The following SNX10 variants were observed in gnomAD, a reference collection of about 807,000 sequenced individuals.
SNX10 encodes the protein sorting nexin-10.
A neutral mutation model predicts 28.5 loss-of-function variants in SNX10; 25 were observed. The observed-to-expected ratio is 0.88, with a 90% CI of 0.64 to 1.22. The LOEUF is 1.22. SNX10 is among the 50% of genes most tolerant of loss of function. The pLI is 0.00. For missense variants in SNX10, 223 were observed against 242.6 expected, an observed-to-expected ratio of 0.92 and a Z score of 0.54; for synonymous variants, 62 against 81.4, an observed-to-expected ratio of 0.76 and a Z score of 1.28.
At chr7:26,360,879 A>T in intron 2 of SNX10, 96 bp from the exon 3 acceptor site, 3 of 1,555,416 alleles carry the variant, frequency 1.9e-6, no homozygotes, top group Non-Finnish European at 8.6e-7. Flanking sequence ...GTTAAAGCTC[A>T]TTTCAGTTTT....
intron 3 of SNX10, among the ~76,000 whole-genome samples, chr7:26,361,705 C>T (rs1448721600): frequency 6.6e-6 from 1 of 152,214 alleles, no homozygotes; most frequent in African/African-American, 2.4e-5. Flanking sequence ...GTGGGCCATA[C>T]AGTTTCTGTC....
In SNX10 at chr7:26,329,479, A is replaced by G. The variant is rs570070367; in HGVS notation, c.-23-16941A>G. Among the ~76,000 whole-genome samples the G allele has an allele frequency of 2.4e-4, 36 of 152,312 alleles. No individual in the cohort carries two copies. The South Asian group carries it at 7.5e-3, about 32-fold the overall frequency. On this transcript the variant is annotated intron_variant, in intron 1 of 6. Coordinates refer to ENST00000338523, the MANE Select transcript of SNX10 (RefSeq NM_013322.3). ...AACATCACCCAGTTTTGTTTTTCTCATTAAGCTTGTTCATTATCTTGTTCA... is the reference window on the plus strand; with the variant it reads ...AACATCACCCAGTTTTGTTTTTCTCGTTAAGCTTGTTCATTATCTTGTTCA...
intron 1 of SNX10, among the ~76,000 whole-genome samples, chr7:26,346,003 G>A (rs538199592): frequency 6.6e-6 from 1 of 152,278 alleles, no homozygotes; most frequent in African/African-American, 2.4e-5. Flanking sequence ...GATCCCAGAA[G>A]GTTTGAGTTT....
intron 1 of SNX10, among the ~76,000 whole-genome samples, chr7:26,306,615 G>C (rs1273204967): frequency 6.6e-6 from 1 of 151,962 alleles, no homozygotes; most frequent in Non-Finnish European, 1.5e-5. Context: ...ATGTTGCCCA[G>C]GTCTCGAACT....
intron 1 of SNX10, among the ~76,000 whole-genome samples, chr7:26,318,565 T>C (rs1214401842): frequency 6.6e-6 from 1 of 152,180 alleles, no homozygotes; most frequent in East Asian, 1.9e-4. Context: ...CCTCCTGGGC[T>C]CAAACAGTCT....
intron 2 of SNX10, among the ~76,000 whole-genome samples, chr7:26,357,758 A>G (rs371008934): frequency 2.6e-5 from 4 of 152,214 alleles, no homozygotes. Flanking sequence ...GGAATGAGTC[A>G]AACAGAGGGG....
intron 1 of SNX10, among the ~76,000 whole-genome samples, chr7:26,338,109 CCTT>C (rs1788008547): frequency 2.1e-5 from 3 of 140,708 alleles, no homozygotes; most frequent in Non-Finnish European, 3.0e-5. Flanking sequence ...ATTCCTTTGT[CCTT>C]TTTTTTTTTT....
intron 1 of SNX10, among the ~76,000 whole-genome samples, chr7:26,329,918 G>A (rs1156800460): frequency 6.6e-6 from 1 of 152,116 alleles, no homozygotes; most frequent in Non-Finnish European, 1.5e-5. Context: ...CAGAGGGAGG[G>A]CATGTGACAC....
At chr7:26,368,440 A>T (rs1164506450) in intron 5 of SNX10, among the ~76,000 whole-genome samples, 2 of 152,212 alleles carry the variant, frequency 1.3e-5, no homozygotes, top group African/African-American at 4.8e-5. Flanking sequence ...AGGCTAAAAA[A>T]TATAAACTCA....
At chr7:26,349,967 A>C (rs1788534009) in intron 2 of SNX10, among the ~76,000 whole-genome samples, 1 of 152,162 alleles carries the variant, frequency 6.6e-6, no homozygotes, top group African/African-American at 2.4e-5. Flanking sequence ...CCATAAGGGC[A>C]CTGGGCTCTT....
intron 1 of SNX10, among the ~76,000 whole-genome samples, chr7:26,307,834 C>G (rs1786658789): frequency 6.6e-6 from 1 of 152,156 alleles, no homozygotes; most frequent in Non-Finnish European, 1.5e-5. Context: ...TGAACCTGCA[C>G]TGATACATTA....
At chr7:26,301,048 A>ATCATCTC (rs1454270561) in intron 1 of SNX10, among the ~76,000 whole-genome samples, 4 of 147,282 alleles carry the variant, frequency 2.7e-5, no homozygotes, top group African/African-American at 1.0e-4. Context: ...AAAAAAAGCC[A>ATCATCTC]TCATCTCTCA....
intron 1 of SNX10, among the ~76,000 whole-genome samples, chr7:26,300,248 A>G (rs1786285466): frequency 6.6e-6 from 1 of 151,358 alleles, no homozygotes; most frequent in South Asian, 2.1e-4. Flanking sequence ...CCAAAATAAT[A>G]ATTTTTTTTT....
intron 1 of SNX10, among the ~76,000 whole-genome samples, chr7:26,306,597 G>A (rs1391661937): frequency 6.6e-6 from 1 of 151,760 alleles, no homozygotes; most frequent in Non-Finnish European, 1.5e-5. Flanking sequence ...GTAGAGATGG[G>A]TTTCGTCATG....
At chr7:26,358,805 G>GTTTTTGTTTTTTTTTTTTTTTT (rs1554360948) in intron 2 of SNX10, among the ~76,000 whole-genome samples, 3 of 100,112 alleles carry the variant, frequency 3.0e-5, no homozygotes, top group African/African-American at 1.3e-4. Flanking sequence ...GTTATCTTGT[G>GTTTTTGTTTTTTTTTTTTTTTT]TTTTTTTTTT....
intron 1 of SNX10, among the ~76,000 whole-genome samples, chr7:26,308,720 G>A (rs866058501): frequency 2.6e-5 from 4 of 152,248 alleles, no homozygotes; most frequent in Middle Eastern, 3.4e-3. Context: ...CCAAGGAGGA[G>A]GTCATGGGAT....
At chr7:26,328,508 G>T (rs1243427883) in intron 1 of SNX10, among the ~76,000 whole-genome samples, 1 of 152,126 alleles carries the variant, frequency 6.6e-6, no homozygotes, top group Non-Finnish European at 1.5e-5. Flanking sequence ...TACATGATAT[G>T]GGAGTGGAAG....
intron 1 of SNX10, among the ~76,000 whole-genome samples, chr7:26,294,648 T>C (rs1221982548): frequency 6.6e-6 from 1 of 152,234 alleles, no homozygotes; most frequent in Admixed American, 6.5e-5. Context: ...TTATGATTTC[T>C]CTAAACTCAG....
chr7:26,358,557 T>C (rs1788918752), intron 2 of SNX10, among the ~76,000 whole-genome samples: 1 of 151,782 alleles, frequency 6.6e-6, no homozygotes, highest in East Asian at 1.9e-4. Flanking sequence ...CTGGGCAACA[T>C]AGCAAGACCC....
Sources: allele counts gnomAD v4.1 joint callset (sites outside exome capture counted in the v4.1 genomes callset), GRCh38; gene constraint gnomAD v4.1.1; transcripts MANE v1.5; gene names NCBI Gene and HGNC (gene_info 2026-07-23, HGNC 2026-07-21).